Variants in AKNA observed in about 807,000 individuals in gnomAD.
The protein encoded by AKNA is AT-hook transcription factor, also known as microtubule organization protein AKNA.
Under a neutral mutation model 138.8 loss-of-function variants are expected in AKNA, and 67 were observed. The ratio of observed to expected loss-of-function variants is 0.48; its 90% CI spans 0.40 to 0.59. The LOEUF (loss-of-function observed/expected upper bound fraction) is 0.59. Among genes scored for constraint, AKNA ranks in the 20% least tolerant of loss-of-function variants. The pLI is 0.00. For missense variants in AKNA, 1,813 were observed against 1,880.4 expected (o/e 0.96, Z 0.66); for synonymous variants, 737 against 754.4 (o/e 0.98, Z 0.38).
intron 12 of AKNA, 137 bp downstream of exon 12, chr9:114,357,784 G>C: frequency 7.3e-7 from 1 of 1,373,938 alleles, no homozygotes; most frequent in Non-Finnish European, 9.9e-7. Context: ...ATGTCAGGTG[G>C]GATTGTGGCT....
chr9:114,372,968 G>GGGT (rs1554842079), intron 4 of AKNA, among the ~76,000 whole-genome samples: 3 of 137,410 alleles, frequency 2.2e-5, no homozygotes, highest in East Asian at 2.2e-4. Context: ...ACGCAGCGGG[G>GGGT]GGGGGGGGGG....
rs1829932238 is a variant in AKNA, at chr9:114,334,790, T to A, written c.*2264A>T. On this transcript the variant is annotated 3_prime_UTR_variant, in exon 22 of 22. Transcript: ENST00000374088. The stretch of plus-strand genomic sequence containing the variant: ...GGACCATGAGCCCGAGGCCCTGATG[T>A]CCTGGGGTCTAGTCCTGTGTCCACA... 6.9e-6 allele frequency: 1 copy of A among 145,072 alleles called. No homozygotes were observed. The highest frequency in any genetic ancestry group is 2.8e-5 in the African/African-American group (1 of 35,120). The allele number at this position is 145,072 out of a possible 1,614,324, so 9.0% of individuals were successfully genotyped here.
downstream of AKNA, among the ~76,000 whole-genome samples, chr9:114,332,649 A>T (rs1275377625): frequency 5.9e-5 from 9 of 152,082 alleles, no homozygotes; most frequent in Admixed American, 5.9e-4. Context: ...AGGGCTTATG[A>T]ACGCAACCAC....
intron 5 of AKNA, chr9:114,368,179 T>C: frequency 2.7e-6 from 1 of 374,422 alleles, no homozygotes; most frequent in Non-Finnish European, 4.7e-6. Flanking sequence ...CCAGGGACAA[T>C]GCTCTATGTT....
intron 14 of AKNA, 22 bp downstream of exon 14, chr9:114,355,903 C>A: frequency 6.2e-7 from 1 of 1,612,336 alleles, no homozygotes; most frequent in South Asian, 1.1e-5. Context: ...CAGTTCTGTC[C>A]AAGTCAGACT....
chr9:114,351,169 C>T (rs1831094020), intron 14 of AKNA, 148 bp from the exon 15 acceptor site: 5 of 789,608 alleles, frequency 6.3e-6, no homozygotes, highest in East Asian at 2.7e-5. Context: ...CAATGACCCA[C>T]ACTGACCTCC....
rs772806799 is a variant in AKNA, at chr9:114,337,095, G to T, written c.4279C>A (p.Leu1427Met). 4.0e-5 allele frequency: 64 copies of T among 1,594,224 alleles called. No individual in the cohort carries two copies. The highest frequency in any genetic ancestry group is 6.8e-5 in the Admixed American group (4 of 58,676). Residue 1427 changes from leucine to methionine, a missense_variant, in exon 22 of 22, where the codon CTG (leucine) becomes ATG (methionine). Leu to Met is a conservative substitution (Grantham distance 15). Coordinates refer to ENST00000374088, the MANE Select transcript of AKNA (RefSeq NM_001317950.2). ...CCCCGCAGGCTGTGAGCCTGGCGCAGGTCGGCTGACAGCGAGCTTCTCATC... is the reference window on the plus strand; with the variant it reads ...CCCCGCAGGCTGTGAGCCTGGCGCATGTCGGCTGACAGCGAGCTTCTCATC... ...RQMRSSLSAD[L>M]RQAHSLRGSC...
chr9:114,393,447 G>A (rs889541486), intron 1 of AKNA, among the ~76,000 whole-genome samples: 3 of 150,246 alleles, frequency 2.0e-5, no homozygotes, highest in African/African-American at 4.9e-5. Flanking sequence ...GGATGGTCTC[G>A]ATCTCCTGAC....
Position 114,362,508 on chromosome 9 carries a change from T to G in AKNA, c.1814A>C (p.His605Pro). The G allele has an allele frequency of 3.1e-6, 5 of 1,613,400 alleles. No individual in the cohort carries two copies. Among genetic ancestry groups the G allele is most frequent in the Non-Finnish European group, 4.2e-6 (5 of 1,179,816 alleles). The part of the protein sequence containing the change: ...VKGFQRLKAA[H>P]AALEEEYLKA... ...CAGGTACTCCTCCTCTAGGGCCGCG[T>G]GGGCAGCCTTCAGCCGCTGGAAGCC... Residue 605 changes from histidine to proline, a missense_variant, in exon 8 of 22, where the codon CAC becomes CCC. Transcript: ENST00000374088.
At chr9:114,342,244 G>T in intron 19 of AKNA, 119 bp from the exon 20 acceptor site, 1 of 667,692 alleles carries the variant, frequency 1.5e-6, no homozygotes, top group Non-Finnish European at 2.5e-6. Context: ...GAGGGGACAA[G>T]CTGCCTCCAT....
downstream of AKNA, chr9:114,331,915 A>T: frequency 6.2e-7 from 1 of 1,613,774 alleles, no homozygotes; most frequent in Non-Finnish European, 8.5e-7. Context: ...TGTCATGTAC[A>T]CCGACTGGAA....
chr9:114,392,024 T>G (rs571050523), upstream of AKNA, among the ~76,000 whole-genome samples: 53 of 146,474 alleles, frequency 3.6e-4, no homozygotes, highest in Non-Finnish European at 5.8e-4. Context: ...AAGAATCACT[T>G]GAACCTGGGA....
chr9:114,390,400 C>A (rs1005500245), upstream of AKNA, among the ~76,000 whole-genome samples: 2 of 152,132 alleles, frequency 1.3e-5, no homozygotes, highest in Non-Finnish European at 2.9e-5. Flanking sequence ...CAGGTACACA[C>A]TGAGAATCAA....
At position 114,368,655 on chromosome 9, in the gene AKNA, C is replaced by T. The variant is rs147144783; in HGVS notation, c.1417-60G>A. ...AGGGTAGGGGCAAACCCACCTGAAA[C>T]GCCTCATCTTCATTCAGGAGCTCAA... On this transcript the variant is annotated intron_variant, in intron 4 of 21. Transcript: ENST00000374088. 445 of 1,279,720 alleles carry T rather than the reference C, an allele frequency of 3.5e-4. No homozygotes were observed. The African/African-American group carries it at 5.0e-3, about 14-fold the overall frequency. The allele number at this position is 1,279,720 out of a possible 1,614,324, so 79.3% of individuals were successfully genotyped here. A position where few individuals can be genotyped will look rare whatever the true frequency, so the allele number is the denominator to read the frequency against.
chr9:114,392,977 A>G (rs2132158447), upstream of AKNA, among the ~76,000 whole-genome samples: 1 of 152,290 alleles, frequency 6.6e-6, no homozygotes, highest in South Asian at 2.1e-4. Context: ...ATTCAAATTC[A>G]TGCTCTTTTC....
At chr9:114,367,808 C>T in intron 5 of AKNA, 111 bp from the exon 6 acceptor site, 1 of 1,241,730 alleles carries the variant, frequency 8.1e-7, no homozygotes. Context: ...ATAGCTCAGT[C>T]ACCATGTGCG....
intron 6 of AKNA, among the ~76,000 whole-genome samples, chr9:114,367,101 GT>G (rs1832419704): frequency 4.6e-5 from 7 of 152,136 alleles, no homozygotes; most frequent in Admixed American, 4.6e-4. Flanking sequence ...TACTTGGACT[GT>G]TTCATGAAGA....
At chr9:114,373,977 A>ACTATCT in intron 4 of AKNA, 116 bp downstream of exon 4, 1 of 1,106,314 alleles carries the variant, frequency 9.0e-7, no homozygotes, top group South Asian at 1.5e-5. Flanking sequence ...CTGGCGTTCC[A>ACTATCT]CTATCTCCAG....
chr9:114,346,643 A>G, intron 17 of AKNA, 26 bp downstream of exon 17: 1 of 1,569,386 alleles, frequency 6.4e-7, no homozygotes, highest in Non-Finnish European at 8.7e-7. Context: ...GCCTCTGGAA[A>G]TCAGCCTTTG....
Sources: gnomAD v4.1 joint callset for allele counts (sites outside exome capture counted in the v4.1 genomes callset) on GRCh38, gnomAD v4.1.1 for gene constraint, MANE v1.5 for transcripts, NCBI Gene and HGNC (gene_info 2026-07-23, HGNC 2026-07-21) for gene names.